Variants in TRAF3IP1 observed in about 807,000 individuals in gnomAD.
TRAF3IP1 encodes intraflagellar transport 54.
Under a neutral mutation model 89.9 loss-of-function variants are expected in TRAF3IP1, and 53 were observed. The observed-to-expected ratio is 0.59, with a 90% CI of 0.47 to 0.74. TRAF3IP1 has a LOEUF of 0.74. TRAF3IP1 is among the 30% of genes least tolerant of loss of function. The pLI is 0.00. For missense variants in TRAF3IP1, 806 were observed against 866.1 expected (o/e 0.93, Z 0.87); for synonymous variants, 311 against 322.1 (o/e 0.97, Z 0.37).
At chr2:238,340,977 C>T (rs1436789611) in intron 8 of TRAF3IP1, among the ~76,000 whole-genome samples, 1 of 152,092 alleles carries the variant, frequency 6.6e-6, no homozygotes, top group East Asian at 1.9e-4. Context: ...TCTGCCTCAG[C>T]CTCCTGAGTA....
intron 8 of TRAF3IP1, among the ~76,000 whole-genome samples, chr2:238,343,517 G>C (rs1232561290): frequency 6.6e-6 from 1 of 152,100 alleles, no homozygotes; most frequent in African/African-American, 2.4e-5. Flanking sequence ...GGGTAGCTGG[G>C]ACTACAGGCA....
rs1243528171 is a variant in TRAF3IP1 at position 238,397,459 on chromosome 2, G to A, written c.1690G>A (p.Glu564Lys). The A allele has an allele frequency of 3.1e-5, 50 of 1,612,548 alleles. No homozygotes were observed. Among genetic ancestry groups the A allele is most frequent in the Non-Finnish European group, 4.2e-5 (50 of 1,179,824 alleles). The change falls in exon 16 of 17, where the codon GAG (glutamate) becomes AAG (lysine). Residue 564 changes from glutamate (E) to lysine (K), a missense_variant and splice_region_variant. Glu to Lys is a moderately conservative substitution (Grantham distance 56). Coordinates refer to ENST00000373327, the MANE Select transcript of TRAF3IP1 (RefSeq NM_015650.4). Reference protein sequence around the residue: ...LQQSPKPGEKERSLFESAWKK... With the variant: ...LQQSPKPGEKKRSLFESAWKK... The stretch of plus-strand genomic sequence containing the variant: ...TCTTCCTATGTCTCCCTGACTGTAG[G>A]AGCGATCTCTCTTTGAGTCGGCATG...
chr2:238,366,295 G>A (rs1245430900), intron 15 of TRAF3IP1, among the ~76,000 whole-genome samples: 2 of 152,108 alleles, frequency 1.3e-5, no homozygotes, highest in Admixed American at 6.5e-5. Context: ...CATATGCCAT[G>A]GGTGTATTAT....
chr2:238,327,605 T>G (rs1292832172), intron 3 of TRAF3IP1, among the ~76,000 whole-genome samples: 4 of 152,136 alleles, frequency 2.6e-5, no homozygotes, highest in African/African-American at 7.2e-5. Context: ...AAACATAAAA[T>G]TTGCCATCTT....
At chr2:238,370,467 G>C (rs1243232219) in intron 15 of TRAF3IP1, among the ~76,000 whole-genome samples, 1 of 152,188 alleles carries the variant, frequency 6.6e-6, no homozygotes, top group Non-Finnish European at 1.5e-5. Flanking sequence ...GTGTACATGT[G>C]TGTGTGCAAA....
chr2:238,385,289 T>C (rs1700722864), intron 15 of TRAF3IP1, among the ~76,000 whole-genome samples: 1 of 152,232 alleles, frequency 6.6e-6, no homozygotes, highest in Non-Finnish European at 1.5e-5. Context: ...GTGCTGGGAT[T>C]ACAGGCGTGA....
chr2:238,337,070 G>T (rs1698420657), intron 7 of TRAF3IP1, among the ~76,000 whole-genome samples: 1 of 152,090 alleles, frequency 6.6e-6, no homozygotes, highest in Non-Finnish European at 1.5e-5. Context: ...GCCCCATGCA[G>T]GGCTGCCCCT....
Position 238,396,907 on chromosome 2 carries a change from G to A in TRAF3IP1, c.1690-552G>A, listed in dbSNP as rs562198597. On this transcript the variant is annotated intron_variant, in intron 15 of 16. Coordinates refer to ENST00000373327, the MANE Select transcript of TRAF3IP1 (RefSeq NM_015650.4). ...CTGGCTGCTGCTGGCTGCTGCTGGC[G>A]CTGGCTGCCCTGCACATTCTCCATG... Among the ~76,000 whole-genome samples, 373 of 152,106 alleles carry A rather than the reference G, an allele frequency of 2.5e-3. 1 individual carries two copies. The highest frequency in any genetic ancestry group is 6.2e-3 in the Admixed American group (95 of 15,304).
At chr2:238,374,633 G>A (rs1175098868) in intron 15 of TRAF3IP1, among the ~76,000 whole-genome samples, 2 of 152,190 alleles carry the variant, frequency 1.3e-5, no homozygotes. Context: ...TCAGGATGAT[G>A]TTGGCCTCAT....
intron 8 of TRAF3IP1, among the ~76,000 whole-genome samples, chr2:238,342,798 G>T (rs1004666072): frequency 2.0e-5 from 3 of 152,008 alleles, no homozygotes; most frequent in Non-Finnish European, 2.9e-5. Flanking sequence ...CATTTTCACA[G>T]ATTGATAAAA....
intron 12 of TRAF3IP1, 78 bp from the exon 13 acceptor site, chr2:238,352,749 G>C: frequency 7.0e-7 from 1 of 1,420,704 alleles, no homozygotes; most frequent in Non-Finnish European, 9.6e-7. Context: ...CCTCTCTGCC[G>C]ACCTCTGACA....
chr2:238,347,212 C>G (rs1455317106), intron 9 of TRAF3IP1: 5 of 509,046 alleles, frequency 9.8e-6, no homozygotes, highest in Non-Finnish European at 1.8e-5. Flanking sequence ...ATCCCTGTGT[C>G]CTGTTTCTAT....
At chr2:238,359,271 A>G (rs1217345456) in intron 15 of TRAF3IP1, among the ~76,000 whole-genome samples, 1 of 152,188 alleles carries the variant, frequency 6.6e-6, no homozygotes, top group Non-Finnish European at 1.5e-5. Flanking sequence ...CATCCATGCC[A>G]ACGACAGTCA....
intron 15 of TRAF3IP1, among the ~76,000 whole-genome samples, chr2:238,376,146 G>A (rs1045917109): frequency 1.3e-5 from 2 of 152,144 alleles, no homozygotes; most frequent in African/African-American, 4.8e-5. Flanking sequence ...GCAACCACAG[G>A]CAATATATAA....
intron 8 of TRAF3IP1, 60 bp downstream of exon 8, chr2:238,338,517 C>T: frequency 1.1e-6 from 1 of 931,338 alleles, no homozygotes; most frequent in South Asian, 1.6e-5. Context: ...ATGGTTATAT[C>T]TCAATGTAGT....
intron 7 of TRAF3IP1, among the ~76,000 whole-genome samples, chr2:238,336,517 G>A (rs1030527156): frequency 6.6e-6 from 1 of 152,082 alleles, no homozygotes; most frequent in Admixed American, 6.5e-5. Context: ...CAGGGTGTGA[G>A]GGTATCACAT....
chr2:238,393,877 C>T (rs908037593), intron 15 of TRAF3IP1, among the ~76,000 whole-genome samples: 2 of 152,192 alleles, frequency 1.3e-5, no homozygotes, highest in African/African-American at 4.8e-5. Flanking sequence ...TCTGTCAATA[C>T]TGCACTGTCT....
At chr2:238,377,234 T>TC (rs1368109440) in intron 15 of TRAF3IP1, among the ~76,000 whole-genome samples, 5 of 133,782 alleles carry the variant, frequency 3.7e-5, no homozygotes, top group South Asian at 2.5e-4. Flanking sequence ...GATTTTCTTT[T>TC]TTTTTTTTTT....
chr2:238,370,195 G>A (rs1700047979), intron 15 of TRAF3IP1, among the ~76,000 whole-genome samples: 1 of 152,082 alleles, frequency 6.6e-6, no homozygotes, highest in Non-Finnish European at 1.5e-5. Flanking sequence ...ATGTCTGTAT[G>A]TATGTGTGTA....
Sources: gnomAD v4.1 joint callset for allele counts (sites outside exome capture counted in the v4.1 genomes callset) on GRCh38, gnomAD v4.1.1 for gene constraint, MANE v1.5 for transcripts, NCBI Gene and HGNC (gene_info 2026-07-23, HGNC 2026-07-21) for gene names.